The following EPHA3 variants were observed in gnomAD, a reference collection of about 807,000 sequenced individuals.
EPHA3 encodes the protein EPH receptor A3, also known as ephrin type-A receptor 3.
In EPHA3, 42 loss-of-function variants were observed where a neutral mutation model predicts 107.1. That is an observed-to-expected ratio of 0.39 (90% confidence interval 0.31 to 0.51). The LOEUF is 0.51. Ranked by LOEUF, EPHA3 falls within the 20% of genes least tolerant of loss-of-function variation. The pLI, the probability that EPHA3 is intolerant of heterozygous loss-of-function variation, is 0.78. For synonymous variants in EPHA3, 461 were observed against 424.8 expected, an observed-to-expected ratio of 1.09 and a Z score of -1.05; for missense variants, 1,183 against 1,211.2, an observed-to-expected ratio of 0.98 and a Z score of 0.35.
chr3:89,441,100 C>T (rs2107546201), intron 13 of EPHA3, among the ~76,000 whole-genome samples: 1 of 152,260 alleles, frequency 6.6e-6, no homozygotes, highest in East Asian at 1.9e-4. Context: ...GTTAAGACAC[C>T]TGGCTAAAAT....
chr3:89,322,923 T>C (rs1333570558), intron 3 of EPHA3, among the ~76,000 whole-genome samples: 1 of 152,084 alleles, frequency 6.6e-6, no homozygotes, highest in East Asian at 1.9e-4. Flanking sequence ...TCTAGGCTCA[T>C]AAAGTAGGGT....
At chr3:89,225,799 C>T (rs527644626) in intron 3 of EPHA3, among the ~76,000 whole-genome samples, 60 of 151,942 alleles carry the variant, frequency 3.9e-4, no homozygotes, top group Non-Finnish European at 8.5e-4. Flanking sequence ...TAAAGAAGTA[C>T]ATAGAATGAG....
chr3:89,295,700 C>T lies in EPHA3; in HGVS notation c.815-45216C>T, dbSNP rs1333781218. ...TCTGCCACCGGGTTCAAGAGATTCT[C>T]ATGCCTCAGCCTGTCAAGTAGCTGG... is the stretch of plus-strand genomic sequence containing the variant. On this transcript the variant is annotated intron_variant, in intron 3 of 16. Transcript: ENST00000336596. Among the ~76,000 whole-genome samples, 3 of 152,122 alleles carry T rather than the reference C, an allele frequency of 2.0e-5. No individual in the cohort carries two copies. The East Asian group carries it at 5.8e-4, about 29-fold the overall frequency.
At chr3:89,325,505 C>T (rs914241051) in intron 3 of EPHA3, among the ~76,000 whole-genome samples, 2 of 152,144 alleles carry the variant, frequency 1.3e-5, no homozygotes, top group African/African-American at 4.8e-5. Context: ...TAATATAAGC[C>T]TGAAGACATG....
Position 89,294,130 on chromosome 3 carries a change from G to A in EPHA3, c.815-46786G>A, listed in dbSNP as rs549308339. Among the ~76,000 whole-genome samples the A allele has an allele frequency of 6.6e-5, 10 of 152,178 alleles. No individual in the cohort carries two copies. In the East Asian group the frequency reaches 1.9e-3, roughly 29 times the overall value. Reference sequence around the variant, plus strand: ...TTGCCAACTTTTCTCCTAACCCAAAGTGACAATGATTTTGTCTTATGTTTT... The same window carrying A: ...TTGCCAACTTTTCTCCTAACCCAAAATGACAATGATTTTGTCTTATGTTTT... On this transcript the variant is annotated intron_variant, in intron 3 of 16. Transcript: ENST00000336596.
At chr3:89,183,945 T>C (rs1163607932) in intron 2 of EPHA3, among the ~76,000 whole-genome samples, 1 of 152,024 alleles carries the variant, frequency 6.6e-6, no homozygotes, top group African/African-American at 2.4e-5. Context: ...ATTTAAATCA[T>C]ATTACTATAT....
intron 3 of EPHA3, among the ~76,000 whole-genome samples, chr3:89,252,397 TA>T (rs1209175915): frequency 6.6e-5 from 10 of 152,314 alleles, no homozygotes; most frequent in African/African-American, 2.4e-4. Context: ...AGATTTGGTA[TA>T]AAAACAATCC....
chr3:89,219,307 G>A (rs1704291551), intron 3 of EPHA3, among the ~76,000 whole-genome samples: 1 of 152,028 alleles, frequency 6.6e-6, no homozygotes, highest in South Asian at 2.1e-4. Context: ...GGGATTACAG[G>A]CATGTGCCAC....
intron 7 of EPHA3, among the ~76,000 whole-genome samples, chr3:89,401,471 C>G (rs1186737700): frequency 1.3e-5 from 2 of 152,130 alleles, no homozygotes; most frequent in Non-Finnish European, 2.9e-5. Context: ...AGGTTTAAAA[C>G]AAATTAAAAA....
At chr3:89,306,463 A>C (rs760617119) in intron 3 of EPHA3, among the ~76,000 whole-genome samples, 1 of 152,190 alleles carries the variant, frequency 6.6e-6, no homozygotes, top group Non-Finnish European at 1.5e-5. Context: ...TAATGTTAAC[A>C]GTGGCTTTCA....
intron 5 of EPHA3, among the ~76,000 whole-genome samples, chr3:89,386,418 T>C (rs1708624393): frequency 6.6e-6 from 1 of 152,198 alleles, no homozygotes; most frequent in Non-Finnish European, 1.5e-5. Flanking sequence ...GCTTGGGCCA[T>C]GGCTTAAGAT....
chr3:89,189,277 T>C (rs1043480375), intron 2 of EPHA3, among the ~76,000 whole-genome samples: 6 of 152,206 alleles, frequency 3.9e-5, no homozygotes, highest in Non-Finnish European at 7.3e-5. Flanking sequence ...TGTCCAATTC[T>C]TCAATCCTAA....
chr3:89,331,535 G>A (rs1707290103), intron 3 of EPHA3, among the ~76,000 whole-genome samples: 1 of 152,044 alleles, frequency 6.6e-6, no homozygotes, highest in Non-Finnish European at 1.5e-5. Context: ...TATAAATAGT[G>A]TTGCTCATAT....
intron 2 of EPHA3, among the ~76,000 whole-genome samples, chr3:89,147,451 T>C (rs901133769): frequency 2.6e-5 from 4 of 151,910 alleles, no homozygotes; most frequent in Non-Finnish European, 4.4e-5. Context: ...CTTCTATCCA[T>C]ATAATTGTGA....
chr3:89,312,701 C>T (rs1328638118), intron 3 of EPHA3, among the ~76,000 whole-genome samples: 1 of 151,702 alleles, frequency 6.6e-6, no homozygotes, highest in Non-Finnish European at 1.5e-5. Flanking sequence ...CCCTAATATC[C>T]ATTAGTTATT....
At chr3:89,476,450 A>G (rs1253391192) in intron 16 of EPHA3, among the ~76,000 whole-genome samples, 2 of 148,432 alleles carry the variant, frequency 1.3e-5, no homozygotes, top group Non-Finnish European at 3.0e-5. Context: ...CATAGCAAGC[A>G]GCACTCAGTA....
chr3:89,186,932 A>G (rs1188589117), intron 2 of EPHA3, among the ~76,000 whole-genome samples: 5 of 152,032 alleles, frequency 3.3e-5, no homozygotes, highest in Admixed American at 3.3e-4. Flanking sequence ...CTGTGTGCCC[A>G]TTTTATATTG....
At chr3:89,386,395 A>T (rs1490320910) in intron 5 of EPHA3, among the ~76,000 whole-genome samples, 1 of 152,204 alleles carries the variant, frequency 6.6e-6, no homozygotes, top group Non-Finnish European at 1.5e-5. Flanking sequence ...TGGCTAAAAG[A>T]GGCCAAGGTA....
Position 89,450,303 on chromosome 3 carries a change from G to C in EPHA3, c.2623G>C (p.Val875Leu). Residue 875 changes from valine to leucine, a missense_variant, in exon 15 of 17, where the codon GTT (valine) becomes CTT (leucine). By Grantham distance (32) the Val-to-Leu change is conservative (BLOSUM62 1). Transcript: ENST00000336596. ...RNNRPKFEQIVSILDKLIRNP... is the reference protein window; with the variant it reads ...RNNRPKFEQILSILDKLIRNP... ...CAACAGACCCAAGTTTGAGCAGATT[G>C]TTAGTATTCTGGACAAGCTTATCCG... is the stretch of plus-strand genomic sequence containing the variant. 1 of 1,614,002 alleles carries C rather than the reference G, an allele frequency of 6.2e-7. No individual in the cohort carries two copies. The highest frequency in any genetic ancestry group is 8.5e-7 in the Non-Finnish European group (1 of 1,179,950).
Sources: allele counts gnomAD v4.1 joint callset (sites outside exome capture counted in the v4.1 genomes callset), GRCh38; gene constraint gnomAD v4.1.1; transcripts MANE v1.5; gene names NCBI Gene and HGNC (gene_info 2026-07-23, HGNC 2026-07-21).